The following PDS5A variants were observed in gnomAD, a reference collection of about 807,000 sequenced individuals.
PDS5A encodes PDS5 cohesin associated factor A.
PDS5A carries 42 observed loss-of-function variants against 167.1 expected under a neutral mutation model. The observed-to-expected ratio is 0.25, with a 90% CI of 0.20 to 0.33. The LOEUF (loss-of-function observed/expected upper bound fraction) is 0.33, where lower values mean the gene tolerates loss of function less well. Among genes scored for constraint, PDS5A ranks in the 10% least tolerant of loss-of-function variants. The probability of loss-of-function intolerance (pLI) is 1.00; values close to 1 mark genes in which losing one functional copy is unlikely to be tolerated. For synonymous variants in PDS5A, 553 were observed against 554.6 expected (o/e 1.00, Z 0.04); for missense variants, 1,033 against 1,605.9 (o/e 0.64, Z 6.10).
rs1731280090 is a variant in PDS5A at position 39,977,854 on chromosome 4, C to T, written c.-438G>A. On this transcript the variant is annotated 5_prime_UTR_variant, in exon 1 of 33. Coordinates refer to ENST00000303538, the MANE Select transcript of PDS5A (RefSeq NM_001100399.2). This position sits in a 1 kb window ranked among gnomAD's most constrained non-coding sequence, Gnocchi z 4.2. Reference sequence around the variant, plus strand: ...GGCGCGCGCCCGGCCGTCCGTGCCCCGGGAGCCGGGGCCTCGCGCACACAC... The same window carrying T: ...GGCGCGCGCCCGGCCGTCCGTGCCCTGGGAGCCGGGGCCTCGCGCACACAC... 1 of 149,818 alleles carries T rather than the reference C, an allele frequency of 6.7e-6. No individual in the cohort carries two copies. Among genetic ancestry groups the T allele is most frequent in the Non-Finnish European group, 1.5e-5 (1 of 67,090 alleles). 9.3% of individuals were successfully genotyped at this position (149,818 alleles called of 1,614,324 possible). A position where few individuals can be genotyped will look rare whatever the true frequency, so the allele number is the denominator to read the frequency against.
At chr4:39,882,673 G>A (rs1302232241) in intron 17 of PDS5A, among the ~76,000 whole-genome samples, 1 of 152,194 alleles carries the variant, frequency 6.6e-6, no homozygotes, top group Non-Finnish European at 1.5e-5. Context: ...TATGAAATGA[G>A]AGACATAATC....
chr4:39,892,680 A>G (rs139088963), intron 16 of PDS5A, among the ~76,000 whole-genome samples: 7 of 152,344 alleles, frequency 4.6e-5, no homozygotes, highest in African/African-American at 1.4e-4. Context: ...GCAGTGAATT[A>G]TAACAGTGTG....
At position 39,972,288 on chromosome 4, in the gene PDS5A, G is replaced by A. The variant is rs573002028; in HGVS notation, c.138+4152C>T. ...TGTAATCCCAGCACTTTGGGAGGCC[G>A]AGGTGGGCGGATCACGAGGTCAAGA... is the stretch of plus-strand genomic sequence containing the variant. On this transcript the variant is annotated intron_variant, in intron 2 of 32. Transcript: ENST00000303538. Among the ~76,000 whole-genome samples the A allele has an allele frequency of 2.6e-5, 4 of 152,230 alleles. No individual in the cohort carries two copies. In the South Asian group the frequency reaches 6.2e-4, roughly 24 times the overall value.
intron 10 of PDS5A, among the ~76,000 whole-genome samples, chr4:39,909,827 T>C (rs1441921069): frequency 1.3e-5 from 2 of 152,216 alleles, no homozygotes; most frequent in African/African-American, 2.4e-5. Flanking sequence ...CCACTTATTA[T>C]TAAATGCCAC....
chr4:39,881,180 C>T (rs1720896596), intron 17 of PDS5A, among the ~76,000 whole-genome samples: 1 of 151,984 alleles, frequency 6.6e-6, no homozygotes, highest in Non-Finnish European at 1.5e-5. Context: ...TATTTATGTA[C>T]CATATTTTCT....
At chr4:39,932,465 G>T in intron 2 of PDS5A, 1 of 222,414 alleles carries the variant, frequency 4.5e-6, no homozygotes, top group Non-Finnish European at 1.0e-5. Flanking sequence ...ACAACCAAGG[G>T]GAGAAAACCT....
intron 2 of PDS5A, among the ~76,000 whole-genome samples, chr4:39,947,350 G>A (rs1553906821): frequency 6.6e-6 from 1 of 152,004 alleles, no homozygotes; most frequent in Non-Finnish European, 1.5e-5. Context: ...AGCTACTCAG[G>A]AGACTGAGGC....
chr4:39,906,497 G>C lies in PDS5A; in HGVS notation c.1233+1898C>G, dbSNP rs186190757. 3.9e-4 allele frequency among the ~76,000 whole-genome samples: 60 copies of C among 151,900 alleles called. No individual in the cohort carries two copies. In the East Asian group the frequency reaches 9.7e-3, roughly 24 times the overall value. ...TTTAGAGGTTGGGAAGGTTTAATAGGGTAGGAAAGAAAAGTTGTAAGAGAA... is the reference window on the plus strand; with the variant it reads ...TTTAGAGGTTGGGAAGGTTTAATAGCGTAGGAAAGAAAAGTTGTAAGAGAA... On this transcript the variant is annotated intron_variant, in intron 11 of 32. Transcript: ENST00000303538.
Position 39,873,043 on chromosome 4 carries a change from G to T in PDS5A, c.2379C>A (p.Ser793=). 6.5e-7 allele frequency: 1 copy of T among 1,539,638 alleles called. No individual in the cohort carries two copies. The highest frequency in any genetic ancestry group is 8.8e-7 in the Non-Finnish European group (1 of 1,130,636). The change falls in exon 21 of 33, where the codon TCC becomes TCA. Residue 793 remains serine, a synonymous_variant. Transcript: ENST00000303538. ...AATTTGCTACTACAGATTTCATTGG[G>T]GAAGCAAACTGATCTGGTGCTAACA... ...ISMLAPDQFA[S]PMKSVVANFI...
intron 32 of PDS5A, among the ~76,000 whole-genome samples, chr4:39,833,191 C>CAAAAAAAAAAAAA (rs1166233113): frequency 5.8e-4 from 22 of 37,916 alleles, no homozygotes; most frequent in East Asian, 2.3e-3. Context: ...AACTCCGTCT[C>CAAAAAAAAAAAAA]AAAAAAAAAA....
chr4:39,894,456 T>C (rs1722226018), intron 16 of PDS5A, among the ~76,000 whole-genome samples: 1 of 151,592 alleles, frequency 6.6e-6, no homozygotes, highest in African/African-American at 2.4e-5. Context: ...AAAAAAGAAG[T>C]GCAAAGGTTG....
intron 2 of PDS5A, chr4:39,933,156 A>C (rs1239593709): frequency 6.5e-6 from 1 of 152,850 alleles, no homozygotes. Context: ...TGACAAAAGC[A>C]AAACTCCGTC....
At chr4:39,863,264 T>C in intron 24 of PDS5A, 72 bp downstream of exon 24, 1 of 1,196,296 alleles carries the variant, frequency 8.4e-7, no homozygotes. Context: ...TATAAATGGA[T>C]TTGTATCCAT....
At chr4:39,938,523 C>T (rs1242988603) in intron 2 of PDS5A, among the ~76,000 whole-genome samples, 1 of 151,832 alleles carries the variant, frequency 6.6e-6, no homozygotes, top group Non-Finnish European at 1.5e-5. Context: ...CACTGCACTC[C>T]AGCCGGGGTG....
At chr4:39,900,103 G>A (rs1722749570) in intron 14 of PDS5A, among the ~76,000 whole-genome samples, 1 of 152,012 alleles carries the variant, frequency 6.6e-6, no homozygotes, top group Non-Finnish European at 1.5e-5. Context: ...ATCATGCAGT[G>A]AAAAAGAAAT....
intron 30 of PDS5A, 119 bp downstream of exon 30, chr4:39,844,537 T>C: frequency 1.4e-6 from 1 of 697,394 alleles, no homozygotes; most frequent in Non-Finnish European, 2.4e-6. Context: ...TTCATCAATA[T>C]TATTTTGTAC....
chr4:39,846,772 TA>T (rs1375092779), intron 28 of PDS5A: 11 of 152,302 alleles, frequency 7.2e-5, no homozygotes, highest in Admixed American at 5.2e-4. Flanking sequence ...ATAATCCTAT[TA>T]AAAAATATTT....
intron 2 of PDS5A, among the ~76,000 whole-genome samples, chr4:39,975,558 T>C (rs569280046): frequency 1.3e-5 from 2 of 152,310 alleles, no homozygotes; most frequent in South Asian, 2.1e-4. Flanking sequence ...ACCAATGCCA[T>C]AGCCCTACCT....
Position 39,922,727 on chromosome 4 carries a change from T to C in PDS5A, c.549A>G (p.Val183=), listed in dbSNP as rs1725095979. The change falls in exon 6 of 33, where the codon GTA becomes GTG. Residue 183 remains valine (V), a synonymous_variant. Coordinates refer to ENST00000303538, the MANE Select transcript of PDS5A (RefSeq NM_001100399.2). The stretch of plus-strand genomic sequence containing the variant: ...TCATCAAATCTAGCATGTGCATTTG[T>C]ACCTTCTTATTGTGGCTATTGCTAT... ...SVINNSHNKK[V]QMHMLDLMSS... 2 of 1,544,740 alleles carry C rather than the reference T, an allele frequency of 1.3e-6. No homozygotes were observed. Among genetic ancestry groups the C allele is most frequent in the Non-Finnish European group, 1.7e-6 (2 of 1,148,062 alleles).
Sources: gnomAD v4.1 joint callset for allele counts (sites outside exome capture counted in the v4.1 genomes callset) on GRCh38, gnomAD v4.1.1 for gene constraint, Gnocchi (gnomAD v3.1) non-coding constraint, MANE v1.5 for transcripts, NCBI Gene and HGNC (gene_info 2026-07-23, HGNC 2026-07-21) for gene names.